Variants in PXK observed in about 807,000 individuals in gnomAD.
The protein encoded by PXK is PX domain containing serine/threonine kinase like, also known as PX domain-containing protein kinase-like protein.
In PXK, 35 loss-of-function variants were observed where a neutral mutation model predicts 84.7. That is an observed-to-expected ratio of 0.41 (90% CI 0.32 to 0.55). The LOEUF (loss-of-function observed/expected upper bound fraction) is 0.55. Ranked by LOEUF, PXK falls within the 20% of genes least tolerant of loss-of-function variation. The pLI, the probability that PXK is intolerant of heterozygous loss-of-function variation, is 0.21. For missense variants in PXK, 634 were observed against 699.7 expected, an observed-to-expected ratio of 0.91 and a Z score of 1.06; for synonymous variants, 253 against 260.8, an observed-to-expected ratio of 0.97 and a Z score of 0.29.
At chr3:58,420,422 C>A in intron 17 of PXK, 1 of 1,316,646 alleles carries the variant, frequency 7.6e-7, no homozygotes, top group Non-Finnish European at 1.1e-6. Flanking sequence ...TGAGAATAAT[C>A]AGCTTGTGAT....
intron 17 of PXK, among the ~76,000 whole-genome samples, chr3:58,418,489 C>T (rs931344118): frequency 6.6e-6 from 1 of 152,174 alleles, no homozygotes; most frequent in Non-Finnish European, 1.5e-5. Context: ...AGGGCCCGTG[C>T]TCTTAAATAC....
rs1016649822 is a variant in PXK at position 58,416,587 on chromosome 3, AGAGT to A, written c.1528+3628_1528+3631del. Among the ~76,000 whole-genome samples the A allele has an allele frequency of 3.0e-5, 2 of 67,092 alleles. No homozygotes were observed. The highest frequency in any genetic ancestry group is 1.6e-4 in the Admixed American group (1 of 6,394). The allele number at this position is 67,092 out of a possible 152,430, so 44.0% of individuals were successfully genotyped here. A position where few individuals can be genotyped will look rare whatever the true frequency, so the allele number is the denominator to read the frequency against. On this transcript the variant is annotated intron_variant, in intron 17 of 17. Transcript: ENST00000356151. The surrounding 1 kb of genome is among the most constrained non-coding windows in gnomAD (Gnocchi z 4.8). ...CTTGCTCTGCCTTCAAGGCCTCTGC[AGAGT>A]GAGAGCAGGAGGACTCTGAGCCTAG... is the stretch of plus-strand genomic sequence containing the variant.
At chr3:58,349,672 C>T (rs554937229) in intron 1 of PXK, among the ~76,000 whole-genome samples, 1 of 152,278 alleles carries the variant, frequency 6.6e-6, no homozygotes, top group African/African-American at 2.4e-5. Flanking sequence ...TCATAAATAT[C>T]TGTGTTTATA....
intron 1 of PXK, among the ~76,000 whole-genome samples, chr3:58,363,855 A>C (rs2098228862): frequency 2.0e-5 from 3 of 152,102 alleles, no homozygotes; most frequent in Admixed American, 2.0e-4. Flanking sequence ...TTCCACCATT[A>C]AGTATGTCAG....
intron 1 of PXK, among the ~76,000 whole-genome samples, chr3:58,353,321 A>G (rs562813847): frequency 6.6e-6 from 1 of 152,132 alleles, no homozygotes; most frequent in Non-Finnish European, 1.5e-5. Flanking sequence ...TTTTAAACAA[A>G]ATTTATTTCA....
chr3:58,339,375 G>A (rs939323589), intron 1 of PXK, among the ~76,000 whole-genome samples: 3 of 151,532 alleles, frequency 2.0e-5, no homozygotes, highest in Admixed American at 1.3e-4. Flanking sequence ...TATTACAGGC[G>A]CCACGTACCA....
chr3:58,386,373 G>A (rs1321740869), intron 4 of PXK, among the ~76,000 whole-genome samples: 1 of 131,290 alleles, frequency 7.6e-6, no homozygotes, highest in Non-Finnish European at 1.5e-5. Context: ...TTGGCTCACT[G>A]CAACCTCAGC....
Position 58,419,983 on chromosome 3 carries a change from C to T in PXK, c.1529-4769C>T, listed in dbSNP as rs370275322. Among the ~76,000 whole-genome samples the T allele has an allele frequency of 3.9e-5, 6 of 152,244 alleles. 1 individual carries two copies. The South Asian group carries it at 6.2e-4, about 16-fold the overall frequency. On this transcript the variant is annotated intron_variant, in intron 17 of 17. Coordinates refer to ENST00000356151, the MANE Select transcript of PXK (RefSeq NM_017771.5). ...GCCTCAGGGAGGGGCCCAGTGCTTC[C>T]GCCTTGAGGATGCTTGCCCAGGATC...
chr3:58,346,254 T>C (rs2097816628), intron 1 of PXK, among the ~76,000 whole-genome samples: 1 of 152,144 alleles, frequency 6.6e-6, no homozygotes, highest in Non-Finnish European at 1.5e-5. Context: ...GTGTGGCTCA[T>C]AAAAGTGGCA....
rs572936733 is a variant in PXK at position 58,401,183 on chromosome 3, C to T, written c.1181+1806C>T. ...GCTATGAGAAGAGCTCCTGGACAGGCGTAAACCATGTTCAATTAAAATGTG... is the reference window on the plus strand; with the variant it reads ...GCTATGAGAAGAGCTCCTGGACAGGTGTAAACCATGTTCAATTAAAATGTG... On this transcript the variant is annotated intron_variant, in intron 12 of 17. Transcript: ENST00000356151. The surrounding 1 kb of genome is among the most constrained non-coding windows in gnomAD (Gnocchi z 4.4). 7.9e-5 allele frequency among the ~76,000 whole-genome samples: 12 copies of T among 152,246 alleles called. No individual in the cohort carries two copies. Among genetic ancestry groups the T allele is most frequent in the African/African-American group, 2.6e-4 (11 of 41,544 alleles).
chr3:58,369,476 C>A lies in PXK; in HGVS notation c.199C>A (p.Gln67Lys). The A allele has an allele frequency of 6.2e-7, 1 of 1,607,652 alleles. No individual in the cohort carries two copies. The highest frequency in any genetic ancestry group is 2.2e-5 in the East Asian group (1 of 44,858). ...CTTTGATTTGCTTAACAACAGCTTA[C>A]AGGTAAATGTTTTGAAATTCTAATT... ...SDFDLLNNSL[Q>K]IAGLSLPLPP... Residue 67 changes from glutamine (Q) to lysine (K), a missense_variant and splice_region_variant, in exon 3 of 18, where the codon CAG becomes AAG. Around this residue, in one of 3 missense-constraint regions of PXK, gnomAD observed 353 missense variants for 385.2 expected, o/e 0.92. Coordinates refer to ENST00000356151, the MANE Select transcript of PXK (RefSeq NM_017771.5).
intron 3 of PXK, among the ~76,000 whole-genome samples, chr3:58,378,814 G>A (rs1458937057): frequency 2.6e-5 from 4 of 152,020 alleles, no homozygotes; most frequent in African/African-American, 4.8e-5. Context: ...GGGATTACAG[G>A]CGTGAGCCAC....
chr3:58,375,802 A>G (rs1310782719), intron 3 of PXK, among the ~76,000 whole-genome samples: 1 of 152,146 alleles, frequency 6.6e-6, no homozygotes, highest in Admixed American at 6.5e-5. Context: ...ATAAATAATT[A>G]ACTTGTTAAG....
chr3:58,373,489 C>T (rs536295703), intron 3 of PXK, among the ~76,000 whole-genome samples: 1 of 152,238 alleles, frequency 6.6e-6, no homozygotes, highest in East Asian at 1.9e-4. Context: ...AATTTTACTG[C>T]CCATTGTTGA....
Position 58,397,742 on chromosome 3 carries a change from G to C in PXK, c.1102+20G>C, listed in dbSNP as rs142957540. The C allele has an allele frequency of 1.1e-3, 1,710 of 1,576,300 alleles. 14 individuals are homozygous for C. In the African/African-American group the frequency reaches 0.019, roughly 17 times the overall value. On this transcript the variant is annotated intron_variant, in intron 11 of 17. Coordinates refer to ENST00000356151, the MANE Select transcript of PXK (RefSeq NM_017771.5). This position sits in a 1 kb window ranked among gnomAD's most constrained non-coding sequence, Gnocchi z 4.7. ...CTGTGGGTCAGTATGGGGTTGGGAAGGGTCTTCTGGGCCCTAGTAGTGTGC... is the reference window on the plus strand; with the variant it reads ...CTGTGGGTCAGTATGGGGTTGGGAACGGTCTTCTGGGCCCTAGTAGTGTGC...
At position 58,365,422 on chromosome 3, in the gene PXK, C is replaced by T. The variant is rs538636832; in HGVS notation, c.103-452C>T. On this transcript the variant is annotated intron_variant, in intron 1 of 17. Transcript: ENST00000356151. ...ATATGATCTGTATTGGTCTATGGTACGCATGATGACTTGGAAAGAATGTGT... is the reference window on the plus strand; with the variant it reads ...ATATGATCTGTATTGGTCTATGGTATGCATGATGACTTGGAAAGAATGTGT... Among the ~76,000 whole-genome samples, 10 of 152,190 alleles carry T rather than the reference C, an allele frequency of 6.6e-5. No individual in the cohort carries two copies. The East Asian group carries it at 1.7e-3, about 26-fold the overall frequency.
chr3:58,361,384 G>A (rs1295299884), intron 1 of PXK, among the ~76,000 whole-genome samples: 1 of 149,958 alleles, frequency 6.7e-6, no homozygotes, highest in African/African-American at 2.5e-5. Context: ...CAAACCTATA[G>A]TACAATATTA....
At chr3:58,382,871 A>G (rs112456273) in intron 4 of PXK, among the ~76,000 whole-genome samples, 171 bp downstream of exon 4, 1 of 152,234 alleles carries the variant, frequency 6.6e-6, no homozygotes, top group Non-Finnish European at 1.5e-5. Flanking sequence ...CTGTAGATGT[A>G]TAAGAAGAAA....
Position 58,398,982 on chromosome 3 carries a change from G to A in PXK, c.1103-317G>A, listed in dbSNP as rs1037458901. Among the ~76,000 whole-genome samples, 32 of 152,328 alleles carry A rather than the reference G, an allele frequency of 2.1e-4. No individual in the cohort carries two copies. The highest frequency in any genetic ancestry group is 7.7e-4 in the African/African-American group (32 of 41,568). The stretch of plus-strand genomic sequence containing the variant: ...TTCAAGTTCAGAATTTTACTTCTGT[G>A]TAGTGTTTACATCTCTTTCAAGAGA... On this transcript the variant is annotated intron_variant, in intron 11 of 17. Coordinates refer to ENST00000356151, the MANE Select transcript of PXK (RefSeq NM_017771.5). The surrounding 1 kb of genome is among the most constrained non-coding windows in gnomAD (Gnocchi z 4.5).
Sources: gnomAD v4.1 joint callset for allele counts (sites outside exome capture counted in the v4.1 genomes callset) on GRCh38, gnomAD v4.1.1 for gene constraint, gnomAD v4.1.1 regional missense constraint, Gnocchi (gnomAD v3.1) non-coding constraint, MANE v1.5 for transcripts, NCBI Gene and HGNC (gene_info 2026-07-23, HGNC 2026-07-21) for gene names.